Variants in PKHD1 observed in about 807,000 individuals in gnomAD.
The protein encoded by PKHD1 is PKHD1 ciliary IPT domain containing fibrocystin/polyductin.
Under a neutral mutation model 412.0 loss-of-function variants are expected in PKHD1, and 291 were observed. That is an observed-to-expected ratio of 0.71 (90% CI 0.64 to 0.78). The LOEUF (loss-of-function observed/expected upper bound fraction) is 0.78. Ranked by LOEUF, PKHD1 falls within the 30% of genes least tolerant of loss-of-function variation. The pLI, the probability that PKHD1 is intolerant of heterozygous loss-of-function variation, is 0.00. For synonymous variants in PKHD1, 1,777 were observed against 1,821.5 expected (o/e 0.98, Z 0.62); for missense variants, 4,825 against 4,950.7 (o/e 0.97, Z 0.76).
At chr6:51,742,285 A>G (rs571029896) in intron 60 of PKHD1, among the ~76,000 whole-genome samples, 36 of 152,232 alleles carry the variant, frequency 2.4e-4, no homozygotes, top group Non-Finnish European at 3.5e-4. Context: ...CACTGACTTT[A>G]AAACCAATAC....
chr6:51,628,069 C>T (rs2661490), intron 65 of PKHD1, among the ~76,000 whole-genome samples: 6,758 of 152,112 alleles, frequency 0.044, 257 homozygotes, highest in African/African-American at 0.098. Flanking sequence ...TAGACCTTTT[C>T]TTTTTCTTTT....
In PKHD1 at chr6:51,871,754, C is replaced by T. The variant is rs1227578851; in HGVS notation, c.7351-1115G>A. ...ATGATTTTCCACAAAATCTCTTTGACAAACACTATCCAATCAAGCTGCTAG... is the reference window on the plus strand; with the variant it reads ...ATGATTTTCCACAAAATCTCTTTGATAAACACTATCCAATCAAGCTGCTAG... On this transcript the variant is annotated intron_variant, in intron 46 of 66. Coordinates refer to ENST00000371117, the MANE Select transcript of PKHD1 (RefSeq NM_138694.4). 5.1e-5 allele frequency among the ~76,000 whole-genome samples: 6 copies of T among 118,710 alleles called. 1 individual carries two copies. The highest frequency in any genetic ancestry group is 1.6e-4 in the African/African-American group (6 of 36,584). The allele number at this position is 118,710 out of a possible 152,430, so 77.9% of individuals were successfully genotyped here. A position where few individuals can be genotyped will look rare whatever the true frequency, so the allele number is the denominator to read the frequency against.
intron 2 of PKHD1, 44 bp downstream of exon 2, chr6:52,084,838 A>G (rs375961476): frequency 2.6e-6 from 3 of 1,167,806 alleles, no homozygotes; most frequent in Non-Finnish European, 3.9e-6. Flanking sequence ...AAGGTAACCT[A>G]TTGTGTTCTT....
intron 60 of PKHD1, among the ~76,000 whole-genome samples, chr6:51,685,015 C>A (rs925162511): frequency 5.3e-5 from 8 of 152,112 alleles, no homozygotes; most frequent in Non-Finnish European, 1.2e-4. Flanking sequence ...ATTTCACCAA[C>A]TATAAAATTC....
intron 65 of PKHD1, 72 bp downstream of exon 65, chr6:51,632,493 T>C: frequency 7.8e-7 from 1 of 1,277,488 alleles, no homozygotes. Context: ...AGAAACAGAA[T>C]CATTAATATG....
chr6:52,044,357 T>TA (rs1436831761), intron 25 of PKHD1, among the ~76,000 whole-genome samples: 8 of 152,182 alleles, frequency 5.3e-5, no homozygotes, highest in African/African-American at 1.9e-4. Context: ...GCATACAGAT[T>TA]ATATTCATGA....
At chr6:51,646,844 C>T (rs1581818466) in intron 63 of PKHD1, among the ~76,000 whole-genome samples, 1 of 152,192 alleles carries the variant, frequency 6.6e-6, no homozygotes, top group East Asian at 1.9e-4. Flanking sequence ...CACTTTCCAA[C>T]TGGCTCAGGA....
chr6:51,762,650 T>C (rs1366112130), intron 55 of PKHD1, among the ~76,000 whole-genome samples: 1 of 54,800 alleles, frequency 1.8e-5, no homozygotes, highest in African/African-American at 1.7e-4. Context: ...ATTATTCACA[T>C]ATATATATAT....
At chr6:51,633,770 A>G (rs1768212215) in intron 64 of PKHD1, among the ~76,000 whole-genome samples, 2 of 152,306 alleles carry the variant, frequency 1.3e-5, no homozygotes, top group South Asian at 4.1e-4. Flanking sequence ...GTGAGAACAG[A>G]TTTTTGGGGT....
In PKHD1 at chr6:52,032,969, G is replaced by A. The variant is rs1803295172; in HGVS notation, c.3364+61C>T. 2.8e-6 allele frequency: 4 copies of A among 1,414,870 alleles called. No homozygotes were observed. In the South Asian group the frequency reaches 3.5e-5, roughly 12 times the overall value. The allele number at this position is 1,414,870 out of a possible 1,614,324, so 87.6% of individuals were successfully genotyped here. Reference sequence around the variant, plus strand: ...CAATAAATTTCAGAGGACATTGATTGCCCTTTTTATAGGACCAATGCTCTA... The same window carrying A: ...CAATAAATTTCAGAGGACATTGATTACCCTTTTTATAGGACCAATGCTCTA... On this transcript the variant is annotated intron_variant, in intron 29 of 66. Transcript: ENST00000371117.
chr6:52,043,710 A>T lies in PKHD1; in HGVS notation c.2736T>A (p.Asp912Glu). The change falls in exon 26 of 67, where the codon GAT becomes GAA. Residue 912 changes from aspartate (D) to glutamate (E), a missense_variant. Asp to Glu is a conservative substitution (Grantham distance 45). Coordinates refer to ENST00000371117, the MANE Select transcript of PKHD1 (RefSeq NM_138694.4). ...AGGAACCTGGGCAATGAGCTGGTACATCATTCACTCGCACAACCACCTGAA... is the reference window on the plus strand; with the variant it reads ...AGGAACCTGGGCAATGAGCTGGTACTTCATTCACTCGCACAACCACCTGAA... ...QHTQVVVRVN[D>E]VPAHCPGSCS... 6.2e-7 allele frequency: 1 copy of T among 1,613,522 alleles called. No homozygotes were observed. The highest frequency in any genetic ancestry group is 8.5e-7 in the Non-Finnish European group (1 of 1,179,482).
chr6:51,957,093 T>C (rs1257080646), intron 36 of PKHD1, among the ~76,000 whole-genome samples: 1 of 152,092 alleles, frequency 6.6e-6, no homozygotes, highest in Non-Finnish European at 1.5e-5. Context: ...CAAAAAGTTA[T>C]TTCAGAGGTG....
intron 50 of PKHD1, among the ~76,000 whole-genome samples, chr6:51,838,949 TA>T: frequency 6.6e-6 from 1 of 152,198 alleles, no homozygotes; most frequent in East Asian, 1.9e-4. Context: ...TCATGAACAA[TA>T]AATGTTAACT....
chr6:51,636,516 C>T (rs1429144502), intron 64 of PKHD1, among the ~76,000 whole-genome samples: 5 of 152,032 alleles, frequency 3.3e-5, no homozygotes, highest in Non-Finnish European at 4.4e-5. Flanking sequence ...CACTGCACTC[C>T]AGCCTGGGTG....
At chr6:52,034,053 C>T (rs538680468) in intron 28 of PKHD1, among the ~76,000 whole-genome samples, 2 of 151,650 alleles carry the variant, frequency 1.3e-5, no homozygotes, top group South Asian at 4.2e-4. Flanking sequence ...CACTTGAACC[C>T]GGGAGGTGGA....
rs540682242 is a variant in PKHD1, at chr6:51,871,591, C to T, written c.7351-952G>A. Among the ~76,000 whole-genome samples, 5 of 118,278 alleles carry T rather than the reference C, an allele frequency of 4.2e-5. 1 individual carries two copies. The highest frequency in any genetic ancestry group is 5.2e-4 in the South Asian group (2 of 3,858). 77.6% of individuals were successfully genotyped at this position (118,278 alleles called of 152,430 possible). ...TGCAACTGTTCTGTGTCTTGATTGTCGTGGTGGTTGTTACACAAATGTGTA... is the reference window on the plus strand; with the variant it reads ...TGCAACTGTTCTGTGTCTTGATTGTTGTGGTGGTTGTTACACAAATGTGTA... On this transcript the variant is annotated intron_variant, in intron 46 of 66. Transcript: ENST00000371117.
chr6:51,671,381 C>T (rs1462981390), intron 60 of PKHD1, among the ~76,000 whole-genome samples: 1 of 152,182 alleles, frequency 6.6e-6, no homozygotes, highest in Non-Finnish European at 1.5e-5. Context: ...GTTCTCGAGC[C>T]TTGGTTTTCA....
chr6:51,686,764 A>G (rs1777497852), intron 60 of PKHD1, among the ~76,000 whole-genome samples: 1 of 152,186 alleles, frequency 6.6e-6, no homozygotes, highest in African/African-American at 2.4e-5. Context: ...TATGTGTTAA[A>G]TTGAATAAAC....
At chr6:51,751,296 C>T (rs1304104922) in intron 57 of PKHD1, among the ~76,000 whole-genome samples, 3 of 152,124 alleles carry the variant, frequency 2.0e-5, no homozygotes, top group Non-Finnish European at 2.9e-5. Context: ...CTGACCTACA[C>T]CTGCAGATCC....
Sources: gnomAD v4.1 joint callset for allele counts (sites outside exome capture counted in the v4.1 genomes callset) on GRCh38, gnomAD v4.1.1 for gene constraint, MANE v1.5 for transcripts, NCBI Gene and HGNC (gene_info 2026-07-23, HGNC 2026-07-21) for gene names.